Variants in ADAMTSL3 observed in about 807,000 individuals in gnomAD.
ADAMTSL3 encodes the protein ADAMTS like 3.
ADAMTSL3 carries 128 observed loss-of-function variants against 201.7 expected under a neutral mutation model. The observed-to-expected ratio is 0.63, with a 90% confidence interval of 0.55 to 0.73. The LOEUF is 0.73. Among genes scored for constraint, ADAMTSL3 ranks in the 30% least tolerant of loss-of-function variants. The probability of loss-of-function intolerance (pLI) is 0.00; values close to 1 mark genes in which losing one functional copy is unlikely to be tolerated. For missense variants in ADAMTSL3, 1,990 were observed against 2,119.6 expected (o/e 0.94, Z 1.20); for synonymous variants, 738 against 748.4 (o/e 0.99, Z 0.23).
At chr15:83,781,483 A>T (rs2063166987) in intron 4 of ADAMTSL3, among the ~76,000 whole-genome samples, 1 of 152,242 alleles carries the variant, frequency 6.6e-6, no homozygotes, top group Non-Finnish European at 1.5e-5. Context: ...AAATACTTAA[A>T]TGTAAAACCC....
Position 83,672,062 on chromosome 15 carries a change from G to A in ADAMTSL3, c.69+16232G>A, listed in dbSNP as rs544797025. On this transcript the variant is annotated intron_variant, in intron 2 of 29. Coordinates refer to ENST00000286744, the MANE Select transcript of ADAMTSL3 (RefSeq NM_207517.3). ...AGTGTCTTGCGACCTATACTCACTC[G>A]CATTTGATGTCACTAATAAAATGTT... 5.9e-5 allele frequency among the ~76,000 whole-genome samples: 9 copies of A among 152,182 alleles called. No individual in the cohort carries two copies. In the South Asian group the frequency reaches 6.2e-4, roughly 11 times the overall value.
chr15:83,930,589 A>G (rs958292246), intron 17 of ADAMTSL3, among the ~76,000 whole-genome samples: 3 of 152,184 alleles, frequency 2.0e-5, no homozygotes, highest in Non-Finnish European at 4.4e-5. Flanking sequence ...TTCCTCAGCA[A>G]TCTCTTGCCC....
At chr15:83,749,777 G>C (rs2062609130) in intron 3 of ADAMTSL3, among the ~76,000 whole-genome samples, 2 of 152,166 alleles carry the variant, frequency 1.3e-5, no homozygotes, top group South Asian at 4.1e-4. Context: ...TCATGAAAGC[G>C]AATAGGGTGG....
chr15:83,875,553 G>A (rs2065161619), intron 9 of ADAMTSL3, among the ~76,000 whole-genome samples: 1 of 152,212 alleles, frequency 6.6e-6, no homozygotes. Flanking sequence ...GGGAGGCTGA[G>A]GCAGGCAGAT....
intron 7 of ADAMTSL3, among the ~76,000 whole-genome samples, chr15:83,852,009 G>C (rs537677433): frequency 6.6e-6 from 1 of 152,194 alleles, no homozygotes; most frequent in African/African-American, 2.4e-5. Context: ...ATACAAACAT[G>C]TATGCTTTTG....
chr15:83,831,092 C>T (rs570600050), intron 6 of ADAMTSL3, among the ~76,000 whole-genome samples: 2 of 152,232 alleles, frequency 1.3e-5, no homozygotes, highest in East Asian at 3.9e-4. Flanking sequence ...TTTTGGTGTT[C>T]CTTGCTTGTG....
intron 7 of ADAMTSL3, among the ~76,000 whole-genome samples, chr15:83,849,068 C>G (rs902239922): frequency 2.0e-5 from 3 of 152,098 alleles, no homozygotes; most frequent in African/African-American, 7.2e-5. Flanking sequence ...TCTAGGTGTC[C>G]CAGACATGAG....
intron 3 of ADAMTSL3, among the ~76,000 whole-genome samples, chr15:83,722,705 G>A (rs2062117896): frequency 2.0e-5 from 3 of 152,108 alleles, no homozygotes; most frequent in East Asian, 1.9e-4. Context: ...AAGAGTATTC[G>A]TTTCAGAAAT....
chr15:84,021,923 T>C (rs2068213010), intron 26 of ADAMTSL3, among the ~76,000 whole-genome samples: 1 of 152,204 alleles, frequency 6.6e-6, no homozygotes, highest in South Asian at 2.1e-4. Flanking sequence ...TTTAAGACTT[T>C]AGTGAGGCTA....
chr15:83,655,945 AC>A, intron 2 of ADAMTSL3, 115 bp downstream of exon 2: 1 of 1,106,754 alleles, frequency 9.0e-7, no homozygotes, highest in Non-Finnish European at 1.3e-6. Flanking sequence ...ACACCAGAGA[AC>A]CAGACTTTCT....
chr15:83,917,465 G>A (rs1298237644), intron 16 of ADAMTSL3, among the ~76,000 whole-genome samples: 3 of 150,644 alleles, frequency 2.0e-5, no homozygotes, highest in Non-Finnish European at 4.4e-5. Context: ...GTATATGTAT[G>A]TATGCATGTA....
At chr15:83,917,417 G>GTGTGTGTATGTATGTATGTA (rs9329362) in intron 16 of ADAMTSL3, among the ~76,000 whole-genome samples, 47 of 146,636 alleles carry the variant, frequency 3.2e-4, no homozygotes, top group East Asian at 1.4e-3. Flanking sequence ...TCCAAAGTGT[G>GTGTGTGTATGTATGTATGTA]TGTATGTATG....
rs569809664 is a variant in ADAMTSL3 at position 83,981,053 on chromosome 15, G to A, written c.2645-1220G>A. ...TTCTAAATCCAGAGGTATTCTTGATGTTAGTCCAGTATCTCTTCTGCCACT... is the reference window on the plus strand; with the variant it reads ...TTCTAAATCCAGAGGTATTCTTGATATTAGTCCAGTATCTCTTCTGCCACT... On this transcript the variant is annotated intron_variant, in intron 20 of 29. Coordinates refer to ENST00000286744, the MANE Select transcript of ADAMTSL3 (RefSeq NM_207517.3). Among the ~76,000 whole-genome samples the A allele has an allele frequency of 1.8e-4, 27 of 152,320 alleles. No individual in the cohort carries two copies. The South Asian group carries it at 2.3e-3, about 13-fold the overall frequency.
chr15:83,657,716 A>G (rs1162577162), intron 2 of ADAMTSL3, among the ~76,000 whole-genome samples: 2 of 152,128 alleles, frequency 1.3e-5, no homozygotes, highest in African/African-American at 4.8e-5. Context: ...CAGTGCCTGT[A>G]TTTTCTGGTG....
chr15:83,837,778 G>C (rs2064303353), intron 6 of ADAMTSL3, among the ~76,000 whole-genome samples: 3 of 150,720 alleles, frequency 2.0e-5, no homozygotes, highest in African/African-American at 7.3e-5. Flanking sequence ...CTCCAACCTG[G>C]GCAACAGAGT....
chr15:83,828,074 G>C (rs1393720465), intron 6 of ADAMTSL3, among the ~76,000 whole-genome samples: 2 of 152,298 alleles, frequency 1.3e-5, no homozygotes, highest in East Asian at 3.9e-4. Flanking sequence ...AAGAAGATTG[G>C]TGGCTTGATG....
Position 83,875,032 on chromosome 15 carries a change from C to G in ADAMTSL3, c.960+4073C>G, listed in dbSNP as rs1026029551. Among the ~76,000 whole-genome samples, 2 of 110,874 alleles carry G rather than the reference C, an allele frequency of 1.8e-5. 1 individual carries two copies. The highest frequency in any genetic ancestry group is 7.8e-5 in the African/African-American group (2 of 25,524). 72.7% of individuals were successfully genotyped at this position (110,874 alleles called of 152,430 possible). The stretch of plus-strand genomic sequence containing the variant: ...CGTGCCCACTCTATACCATCCACCA[C>G]TGTGTTCATCTGGGTCCTCTAAGAA... On this transcript the variant is annotated intron_variant, in intron 9 of 29. Coordinates refer to ENST00000286744, the MANE Select transcript of ADAMTSL3 (RefSeq NM_207517.3).
chr15:83,767,559 A>G (rs2062913531), intron 3 of ADAMTSL3, among the ~76,000 whole-genome samples: 1 of 152,210 alleles, frequency 6.6e-6, no homozygotes, highest in African/African-American at 2.4e-5. Flanking sequence ...GAGCCAGCTG[A>G]TATCAGTCAG....
intron 9 of ADAMTSL3, among the ~76,000 whole-genome samples, chr15:83,882,341 A>G (rs1325774540): frequency 6.6e-6 from 1 of 151,944 alleles, no homozygotes; most frequent in Non-Finnish European, 1.5e-5. Context: ...CGTTACCATA[A>G]CCCTGCCTCT....
Sources: allele counts gnomAD v4.1 joint callset (sites outside exome capture counted in the v4.1 genomes callset), GRCh38; gene constraint gnomAD v4.1.1; transcripts MANE v1.5; gene names NCBI Gene and HGNC (gene_info 2026-07-23, HGNC 2026-07-21).